TMC2: variants seen among roughly 807,000 people sequenced by gnomAD.
TMC2 encodes the protein transmembrane channel-like protein 2.
TMC2 carries 102 observed loss-of-function variants against 105.9 expected under a neutral mutation model. The observed-to-expected ratio is 0.96, with a 90% CI of 0.82 to 1.14. TMC2 has a LOEUF of 1.14. Ranked by LOEUF, TMC2 falls within the 50% of genes most tolerant of loss-of-function variation. The probability of loss-of-function intolerance (pLI) is 0.00; values close to 1 mark genes in which losing one functional copy is unlikely to be tolerated. For missense variants in TMC2, 1,093 were observed against 1,134.3 expected (o/e 0.96, Z 0.52); for synonymous variants, 402 against 422.8 (o/e 0.95, Z 0.60).
intron 10 of TMC2, among the ~76,000 whole-genome samples, chr20:2,598,872 A>C (rs531376580): frequency 1.3e-5 from 2 of 152,284 alleles, no homozygotes; most frequent in East Asian, 3.9e-4. Flanking sequence ...AAACAAAACA[A>C]ATCAAAACAC....
At chr20:2,613,143 G>C (rs577010095) in intron 13 of TMC2, 51 bp from the exon 14 acceptor site, 12 of 1,581,594 alleles carry the variant, frequency 7.6e-6, no homozygotes, top group African/African-American at 4.0e-5. Flanking sequence ...GGGAGGGTGG[G>C]AGAAGTGGGC....
At chr20:2,548,762 T>G (rs2085939666) in intron 2 of TMC2, among the ~76,000 whole-genome samples, 1 of 152,200 alleles carries the variant, frequency 6.6e-6, no homozygotes, top group Non-Finnish European at 1.5e-5. Context: ...CAAGCTGGCA[T>G]ACTACAAAAT....
chr20:2,615,035 T>A (rs750996242), intron 14 of TMC2, among the ~76,000 whole-genome samples: 1 of 152,066 alleles, frequency 6.6e-6, no homozygotes, highest in Non-Finnish European at 1.5e-5. Flanking sequence ...AAAATTTAAA[T>A]TCTGGGTGGG....
rs1186049437 is a variant in TMC2, at chr20:2,622,632, G to A, written c.2181-1639G>A. 2.0e-5 allele frequency among the ~76,000 whole-genome samples: 3 copies of A among 151,942 alleles called. No homozygotes were observed. In the East Asian group the frequency reaches 5.8e-4, roughly 29 times the overall value. Reference sequence around the variant, plus strand: ...AGAGGCAGAGGTTGCAGTGAGCTGAGATTGCACCACTGCACTCCAGCCTGG... The same window carrying A: ...AGAGGCAGAGGTTGCAGTGAGCTGAAATTGCACCACTGCACTCCAGCCTGG... On this transcript the variant is annotated intron_variant, in intron 16 of 19. Transcript: ENST00000358864.
At chr20:2,584,469 A>G (rs2035343595) in intron 7 of TMC2, among the ~76,000 whole-genome samples, 1 of 151,576 alleles carries the variant, frequency 6.6e-6, no homozygotes, top group Non-Finnish European at 1.5e-5. Context: ...AAGAAAAGAT[A>G]TAATGAATGA....
chr20:2,638,895 GA>G (rs73613609), intron 19 of TMC2, among the ~76,000 whole-genome samples: 33 of 151,320 alleles, frequency 2.2e-4, no homozygotes, highest in South Asian at 1.0e-3. Context: ...ATTGAAGAAA[GA>G]AAAAAAAAAT....
intron 4 of TMC2, among the ~76,000 whole-genome samples, chr20:2,566,520 C>T (rs552798505): frequency 1.3e-5 from 2 of 152,188 alleles, no homozygotes; most frequent in Non-Finnish European, 2.9e-5. Flanking sequence ...GTCTGTCTCT[C>T]AGCTTTGTCC....
chr20:2,619,541 G>A (rs398088674), intron 16 of TMC2, among the ~76,000 whole-genome samples: 2 of 152,128 alleles, frequency 1.3e-5, no homozygotes, highest in Non-Finnish European at 2.9e-5. Context: ...ATGCTGATCC[G>A]GTCTTTCTCA....
intron 2 of TMC2, among the ~76,000 whole-genome samples, chr20:2,541,927 TA>T (rs1027553164): frequency 6.6e-6 from 1 of 152,152 alleles, no homozygotes; most frequent in Non-Finnish European, 1.5e-5. Flanking sequence ...ATTTCCCCAT[TA>T]GTAACTTACC....
intron 2 of TMC2, among the ~76,000 whole-genome samples, chr20:2,540,656 C>CAAAAAAA (rs10657326): frequency 1.8e-5 from 2 of 108,446 alleles, no homozygotes; most frequent in Admixed American, 9.7e-5. Context: ...GAGGGACTCT[C>CAAAAAAA]AAAAAAAAAA....
intron 18 of TMC2, among the ~76,000 whole-genome samples, chr20:2,636,618 TTTTGTTTGTTTG>T (rs10534913): frequency 4.0e-4 from 60 of 151,222 alleles, no homozygotes; most frequent in Middle Eastern, 3.4e-3. Flanking sequence ...TCTTCTGGTT[TTTTGTTTGTTTG>T]TTTGTTTGTT....
At chr20:2,564,989 C>T (rs541924867) in intron 4 of TMC2, among the ~76,000 whole-genome samples, 1 of 152,182 alleles carries the variant, frequency 6.6e-6, no homozygotes, top group South Asian at 2.1e-4. Flanking sequence ...CCTCTCCTTG[C>T]TAACTCCTAC....
chr20:2,641,325 A>G lies in TMC2; in HGVS notation c.2695A>G (p.Lys899Glu), dbSNP rs1304325812. ...TCATCCGTGGAGGTCAGCCTCTGGAAAGAGTGCTCAGAGACCTCCCCACTG... is the reference window on the plus strand; with the variant it reads ...TCATCCGTGGAGGTCAGCCTCTGGAGAGAGTGCTCAGAGACCTCCCCACTG... The part of the protein sequence containing the change: ...QTHPWRSASG[K>E]SAQRPPH Residue 899 changes from lysine to glutamate, a missense_variant, in exon 20 of 20, where the codon AAG (lysine) becomes GAG (glutamate). Transcript: ENST00000358864. 2 of 1,613,806 alleles carry G rather than the reference A, an allele frequency of 1.2e-6. No individual in the cohort carries two copies. Among genetic ancestry groups the G allele is most frequent in the African/African-American group, 1.3e-5 (1 of 74,912 alleles).
intron 16 of TMC2, among the ~76,000 whole-genome samples, chr20:2,618,556 A>G (rs922876170): frequency 6.6e-6 from 1 of 152,334 alleles, no homozygotes; most frequent in African/African-American, 2.4e-5. Context: ...ACAGACCTCA[A>G]CTGAGCTCTC....
At chr20:2,613,699 G>A (rs2146242271) in intron 14 of TMC2, 1 of 328,656 alleles carries the variant, frequency 3.0e-6, no homozygotes, top group Admixed American at 4.3e-5. Context: ...AGGAAGTCCT[G>A]GAACACACCA....
chr20:2,612,124 G>A, intron 12 of TMC2, 67 bp from the exon 13 acceptor site: 1 of 1,473,590 alleles, frequency 6.8e-7, no homozygotes, highest in Non-Finnish European at 9.1e-7. Flanking sequence ...GGCTTTCACT[G>A]TTCTTATGGA....
intron 4 of TMC2, among the ~76,000 whole-genome samples, chr20:2,569,077 T>C (rs1333556732): frequency 1.3e-5 from 2 of 152,178 alleles, no homozygotes; most frequent in African/African-American, 2.4e-5. Context: ...ATTGGGTTTA[T>C]CTAGTGGTTG....
At position 2,558,562 on chromosome 20, in the gene TMC2, C is replaced by T. The variant is rs572074938; in HGVS notation, c.189C>T (p.Ser63=). 23 of 1,552,846 alleles carry T rather than the reference C, an allele frequency of 1.5e-5. No individual in the cohort carries two copies. Among genetic ancestry groups the T allele is most frequent in the Non-Finnish European group, 1.9e-5 (22 of 1,147,964 alleles). The change falls in exon 3 of 20, where the codon AGC becomes AGT. Residue 63 remains serine, a synonymous_variant. Transcript: ENST00000358864. This position sits in a 1 kb window ranked among gnomAD's most constrained non-coding sequence, Gnocchi z 4.6. The part of the protein sequence containing the change: ...QRSQKERAGG[S]PSPGSPRRKQ... ...GCCAGAAGGAGCGCGCCGGGGGCAGCCCAAGCCCGGGGTCTCCCCGGAGGA... is the reference window on the plus strand; with the variant it reads ...GCCAGAAGGAGCGCGCCGGGGGCAGTCCAAGCCCGGGGTCTCCCCGGAGGA...
intron 17 of TMC2, among the ~76,000 whole-genome samples, chr20:2,625,713 T>C (rs1044175644): frequency 5.9e-5 from 9 of 152,244 alleles, no homozygotes; most frequent in Non-Finnish European, 1.0e-4. Context: ...ATTTTGTATA[T>C]ATCTCCTTGC....
Sources: gnomAD v4.1 joint callset for allele counts (sites outside exome capture counted in the v4.1 genomes callset) on GRCh38, gnomAD v4.1.1 for gene constraint, Gnocchi (gnomAD v3.1) non-coding constraint, MANE v1.5 for transcripts, NCBI Gene and HGNC (gene_info 2026-07-23, HGNC 2026-07-21) for gene names.